CTSF: variants seen among roughly 807,000 people sequenced by gnomAD.
CTSF encodes the protein cathepsin F.
Under a neutral mutation model 63.5 loss-of-function variants are expected in CTSF, and 65 were observed. The ratio of observed to expected loss-of-function variants is 1.02; its 90% CI spans 0.84 to 1.26. The LOEUF (loss-of-function observed/expected upper bound fraction) is 1.26, where lower values mean the gene tolerates loss of function less well. Among genes scored for constraint, CTSF ranks in the 50% most tolerant of loss-of-function variants. CTSF has a pLI of 0.00. For missense variants in CTSF, 641 were observed against 631.0 expected, an observed-to-expected ratio of 1.02 and a Z score of -0.17; for synonymous variants, 256 against 258.1, an observed-to-expected ratio of 0.99 and a Z score of 0.08.
intron 4 of CTSF, among the ~76,000 whole-genome samples, chr11:66,566,972 C>A (rs927770160): frequency 1.3e-5 from 2 of 152,014 alleles, no homozygotes; most frequent in Non-Finnish European, 2.9e-5. Context: ...AGGTAATCTG[C>A]CCACCTCGGC....
rs1013610775 is a variant in CTSF, at chr11:66,564,171, G to A, written c.1322-25C>T. The A allele has an allele frequency of 2.5e-6, 4 of 1,601,878 alleles. No homozygotes were observed. The African/African-American group carries it at 5.3e-5, about 21-fold the overall frequency. Reference sequence around the variant, plus strand: ...CCTGGGGTGCAGTGCAGAGCGCAAGGATCAGGGTCCTTAATTCTCCAGGCA... The same window carrying A: ...CCTGGGGTGCAGTGCAGAGCGCAAGAATCAGGGTCCTTAATTCTCCAGGCA... On this transcript the variant is annotated intron_variant, in intron 11 of 12. Transcript: ENST00000310325.
In CTSF at chr11:66,565,936, G is replaced by A; in HGVS notation, c.868-9C>T. The A allele has an allele frequency of 6.2e-7, 1 of 1,614,140 alleles. No homozygotes were observed. The highest frequency in any genetic ancestry group is 8.5e-7 in the Non-Finnish European group (1 of 1,180,024). ...CAGGAGCCACACATGCCCTACAAGA[G>A]ATGGGTGGAGTTGGAGTCAGAGCCG... On this transcript the variant is annotated splice_polypyrimidine_tract_variant and intron_variant, in intron 6 of 12. Transcript: ENST00000310325.
At chr11:66,565,806 C>T in intron 7 of CTSF, 25 bp downstream of exon 7, 1 of 1,613,876 alleles carries the variant, frequency 6.2e-7, no homozygotes, top group Non-Finnish European at 8.5e-7. Flanking sequence ...AGGCTGGGGA[C>T]AGAGGAGTAG....
chr11:66,567,656 T>G lies in CTSF; in HGVS notation c.319A>C (p.Ser107Arg), dbSNP rs753222482. 7.4e-6 allele frequency: 12 copies of G among 1,613,752 alleles called. No homozygotes were observed. Among genetic ancestry groups the G allele is most frequent in the Non-Finnish European group, 1.0e-5 (12 of 1,179,846 alleles). The stretch of plus-strand genomic sequence containing the variant: ...CCGAGCTCATCCAGGACTTGGAAGC[T>G]GCAGAGCTGGAGGGAGAGGAAGAAG... The part of the protein sequence containing the change: ...LPVSKKTLLC[S>R]FQVLDELGRH... Residue 107 changes from serine (S) to arginine (R), a missense_variant, in exon 3 of 13, where the codon AGC (serine) becomes CGC (arginine). Coordinates refer to ENST00000310325, the MANE Select transcript of CTSF (RefSeq NM_003793.4).
At chr11:66,567,396 G>C in intron 3 of CTSF, 48 bp downstream of exon 3, 1 of 1,613,186 alleles carries the variant, frequency 6.2e-7, no homozygotes, top group Non-Finnish European at 8.5e-7. Context: ...TGATGAGGCA[G>C]CGGCTGGCTC....
Position 66,564,811 on chromosome 11 carries a change from G to A in CTSF, c.1166-5C>T. On this transcript the variant is annotated splice_region_variant and splice_polypyrimidine_tract_variant and intron_variant, in intron 9 of 12. Coordinates refer to ENST00000310325, the MANE Select transcript of CTSF (RefSeq NM_003793.4). Reference sequence around the variant, plus strand: ...TGGCCAGCCAGGCTGCCAGCTCTGAGATGGGAAGGGGTGGCATCAGTAGGC... The same window carrying A: ...TGGCCAGCCAGGCTGCCAGCTCTGAAATGGGAAGGGGTGGCATCAGTAGGC... 2 of 1,614,124 alleles carry A rather than the reference G, an allele frequency of 1.2e-6. No individual in the cohort carries two copies. Among genetic ancestry groups the A allele is most frequent in the Non-Finnish European group, 1.7e-6 (2 of 1,180,002 alleles).
intron 11 of CTSF, 172 bp downstream of exon 11, chr11:66,564,386 A>G: frequency 1.3e-6 from 1 of 781,312 alleles, no homozygotes; most frequent in Non-Finnish European, 2.0e-6. Flanking sequence ...CCCACAGCTC[A>G]GCTTCCCTGC....
Position 66,563,861 on chromosome 11 carries a change from G to A in CTSF, c.*72C>T. 1 of 1,582,530 alleles carries A rather than the reference G, an allele frequency of 6.3e-7. No homozygotes were observed. The highest frequency in any genetic ancestry group is 8.6e-7 in the Non-Finnish European group (1 of 1,159,226). On this transcript the variant is annotated 3_prime_UTR_variant, in exon 13 of 13. Transcript: ENST00000310325. Reference sequence around the variant, plus strand: ...CTGCCAGCTGTACCTCCCGGGGAGGGGCCTGGACACATGTCAGGCTGGGGC... The same window carrying A: ...CTGCCAGCTGTACCTCCCGGGGAGGAGCCTGGACACATGTCAGGCTGGGGC...
Position 66,565,690 on chromosome 11 carries a change from G to A in CTSF, c.1026C>T (p.Tyr342=), listed in dbSNP as rs762134997. 2.7e-5 allele frequency: 43 copies of A among 1,613,476 alleles called. No homozygotes were observed. Among genetic ancestry groups the A allele is most frequent in the Non-Finnish European group, 3.1e-5 (37 of 1,180,052 alleles). The change falls in exon 8 of 13, where the codon TAC becomes TAT. Residue 342 remains tyrosine (Y), a synonymous_variant. Transcript: ENST00000310325. ...GCATACCCAAATTCTTTATGGCCGA[G>A]TAGGCATTGGAGGGCAAGCCGCCCA... The part of the protein sequence containing the change: ...ACMGGLPSNA[Y]SAIKNLGGLE...
At chr11:66,567,902 GCGTCTTGACCTGACCCGT>G in intron 2 of CTSF, 64 bp downstream of exon 2, 1 of 1,494,744 alleles carries the variant, frequency 6.7e-7, no homozygotes, top group Non-Finnish European at 9.0e-7. Flanking sequence ...TCAGATCCCT[GCGTCTTGACCTGACCCGT>G]CATCATCCAA....
rs780071531 is a variant in CTSF at position 66,566,016 on chromosome 11, T to C, written c.867+6A>G. 5.0e-6 allele frequency: 8 copies of C among 1,613,862 alleles called. No homozygotes were observed. In the South Asian group the frequency reaches 8.8e-5, roughly 18 times the overall value. ...CATGTCCCACCCTCACTTCCAGGGG[T>C]CCAACCTGGTCTTTGACTTTTGTGA... On this transcript the variant is annotated splice_donor_region_variant and intron_variant, in intron 6 of 12. Coordinates refer to ENST00000310325, the MANE Select transcript of CTSF (RefSeq NM_003793.4).
chr11:66,567,884 C>A, intron 2 of CTSF, 100 bp downstream of exon 2: 1 of 1,458,176 alleles, frequency 6.9e-7, no homozygotes. Context: ...GGTGGGGCAG[C>A]AGCTACCTCA....
Position 66,564,006 on chromosome 11 carries a change from C to T in CTSF, c.1382G>A (p.Gly461Asp). 7 of 1,613,890 alleles carry T rather than the reference C, an allele frequency of 4.3e-6. No individual in the cohort carries two copies. Among genetic ancestry groups the T allele is most frequent in the Non-Finnish European group, 5.9e-6 (7 of 1,180,004 alleles). ...NSWGTDWGEK[G>D]YYYLHRGSGA... ...GGACCCACGATGCAAGTAGTAGTAA[C>T]CCTGGGGGAGAGGGGGAGCTGGTGA... Residue 461 changes from glycine to aspartate, a missense_variant and splice_region_variant, in exon 13 of 13, where the codon GGT becomes GAT. Physicochemically the swap from Gly to Asp is moderately conservative, Grantham distance 94 (BLOSUM62 -1). Coordinates refer to ENST00000310325, the MANE Select transcript of CTSF (RefSeq NM_003793.4).
At chr11:66,564,290 C>G (rs1426973457) in intron 11 of CTSF, 144 bp from the exon 12 acceptor site, 1 of 1,092,758 alleles carries the variant, frequency 9.2e-7, no homozygotes, top group East Asian at 2.6e-5. Flanking sequence ...GGCCCACCTA[C>G]CAGCCTCAGG....
chr11:66,564,569 C>T lies in CTSF; in HGVS notation c.1310G>A (p.Gly437Asp), dbSNP rs1857883423. ...WLIDHAVLLV[G>D]YGNRSDVPFW... ...GCAGCGGAACTCACGGTTGCCGTAG[C>T]CCACAAGCAACACCGCATGGTCAAT... The change falls in exon 11 of 13, where the codon GGC becomes GAC. Residue 437 changes from glycine to aspartate, a missense_variant. By Grantham distance (94) the Gly-to-Asp change is moderately conservative (BLOSUM62 -1). Transcript: ENST00000310325. 6.4e-7 allele frequency: 1 copy of T among 1,566,972 alleles called. No individual in the cohort carries two copies. The highest frequency in any genetic ancestry group is 1.2e-5 in the South Asian group (1 of 85,656).
At chr11:66,567,116 G>A in intron 4 of CTSF, 130 bp downstream of exon 4, 1 of 931,072 alleles carries the variant, frequency 1.1e-6, no homozygotes, top group Middle Eastern at 3.1e-4. Flanking sequence ...CTTAGGGAGA[G>A]CTCAGGAATT....
In CTSF at chr11:66,566,328, T is replaced by C. The variant is rs1489171724; in HGVS notation, c.684A>G (p.Thr228=). Residue 228 remains threonine (T), a synonymous_variant, in exon 5 of 13, where the codon ACA becomes ACG. Transcript: ENST00000310325. Reference sequence around the variant, plus strand: ...TGAACTTGGTGACTCCATACTGAGCTGTGCCACGGTCCAGGGCCTGGATCT... The same window carrying C: ...TGAACTTGGTGACTCCATACTGAGCCGTGCCACGGTCCAGGGCCTGGATCT... ...AQKIQALDRG[T]AQYGVTKFSD... 1.2e-6 allele frequency: 2 copies of C among 1,614,064 alleles called. No individual in the cohort carries two copies. The highest frequency in any genetic ancestry group is 2.2e-5 in the South Asian group (2 of 91,086).
At chr11:66,565,960 C>T (rs753429669) in intron 6 of CTSF, 33 bp from the exon 7 acceptor site, 36 of 1,614,084 alleles carry the variant, frequency 2.2e-5, no homozygotes, top group African/African-American at 5.3e-5. Flanking sequence ...GAGTCAGAGC[C>T]GGGCCCCTTC....
At position 66,563,889 on chromosome 11, in the gene CTSF, C is replaced by T. The variant is rs1239319612; in HGVS notation, c.*44G>A. 1 of 1,608,964 alleles carries T rather than the reference C, an allele frequency of 6.2e-7. No homozygotes were observed. Among genetic ancestry groups the T allele is most frequent in the Non-Finnish European group, 8.5e-7 (1 of 1,178,500 alleles). ...CTGGACACATGTCAGGCTGGGGCAG[C>T]AGCCACTCTGATCAGCACCAGGTCC... On this transcript the variant is annotated 3_prime_UTR_variant, in exon 13 of 13. Coordinates refer to ENST00000310325, the MANE Select transcript of CTSF (RefSeq NM_003793.4).
Sources: allele counts gnomAD v4.1 joint callset (sites outside exome capture counted in the v4.1 genomes callset), GRCh38; gene constraint gnomAD v4.1.1; transcripts MANE v1.5; gene names NCBI Gene and HGNC (gene_info 2026-07-23, HGNC 2026-07-21).